SIK3: variants seen among roughly 807,000 people sequenced by gnomAD.
The protein encoded by SIK3 is serine/threonine-protein kinase SIK3.
In SIK3, 28 loss-of-function variants were observed where a neutral mutation model predicts 144.2. The observed-to-expected ratio is 0.19, with a 90% CI of 0.14 to 0.27. The LOEUF (loss-of-function observed/expected upper bound fraction) is 0.27, where lower values mean the gene tolerates loss of function less well. Ranked by LOEUF, SIK3 falls within the 10% of genes least tolerant of loss-of-function variation. The pLI is 1.00. For synonymous variants in SIK3, 686 were observed against 676.3 expected, an observed-to-expected ratio of 1.01 and a Z score of -0.22; for missense variants, 1,319 against 1,776.0, an observed-to-expected ratio of 0.74 and a Z score of 4.62.
chr11:116,997,791 C>T (rs1005894911), intron 1 of SIK3, among the ~76,000 whole-genome samples: 3 of 152,148 alleles, frequency 2.0e-5, no homozygotes, highest in Admixed American at 6.5e-5. Context: ...AGATCTCATA[C>T]GACCAGGACA....
At chr11:117,025,262 C>T (rs543500929) in intron 1 of SIK3, among the ~76,000 whole-genome samples, 1 of 152,142 alleles carries the variant, frequency 6.6e-6, no homozygotes, top group South Asian at 2.1e-4. Flanking sequence ...CGGTCCAACC[C>T]CCTTATTTCA....
At chr11:116,958,884 C>T (rs1949240679) in intron 1 of SIK3, among the ~76,000 whole-genome samples, 2 of 152,080 alleles carry the variant, frequency 1.3e-5, no homozygotes, top group Admixed American at 1.3e-4. Flanking sequence ...AGGACAGCTC[C>T]CAAAACAACA....
chr11:117,076,068 C>G (rs1481394587), intron 1 of SIK3, among the ~76,000 whole-genome samples: 2 of 151,264 alleles, frequency 1.3e-5, no homozygotes, highest in Non-Finnish European at 2.9e-5. Context: ...AGGCTGGTCT[C>G]CAACTCCTGA....
At chr11:116,866,194 A>C in intron 15 of SIK3, among the ~76,000 whole-genome samples, 1 of 152,152 alleles carries the variant, frequency 6.6e-6, no homozygotes, top group Non-Finnish European at 1.5e-5. Flanking sequence ...TGTTCCCCTC[A>C]TAAGAAGACC....
intron 4 of SIK3, chr11:116,904,883 A>C (rs1398528065): frequency 6.0e-6 from 1 of 166,802 alleles, no homozygotes; most frequent in African/African-American, 2.4e-5. Flanking sequence ...TGGCCATAAC[A>C]TATTTCTTGT....
intron 4 of SIK3, among the ~76,000 whole-genome samples, chr11:116,925,127 A>G (rs1179715118): frequency 6.6e-6 from 1 of 152,150 alleles, no homozygotes; most frequent in Non-Finnish European, 1.5e-5. Context: ...CTAAAAATAC[A>G]AAAGTTAGCT....
At chr11:117,010,148 C>G (rs979138956) in intron 1 of SIK3, among the ~76,000 whole-genome samples, 18 of 151,932 alleles carry the variant, frequency 1.2e-4, no homozygotes, top group Admixed American at 2.6e-4. Context: ...GGCTTCCCCT[C>G]TTCCTTATTC....
intron 1 of SIK3, among the ~76,000 whole-genome samples, chr11:116,976,029 T>C (rs1591462728): frequency 6.6e-6 from 1 of 152,312 alleles, no homozygotes; most frequent in East Asian, 1.9e-4. Context: ...GCATTACACA[T>C]TGAAATCTTT....
intron 1 of SIK3, among the ~76,000 whole-genome samples, chr11:116,964,635 C>G (rs984978561): frequency 7.2e-5 from 11 of 152,126 alleles, no homozygotes; most frequent in African/African-American, 2.7e-4. Context: ...AATCCCAGCA[C>G]TTTGGGAGGC....
chr11:117,058,196 T>C (rs941995047), intron 1 of SIK3, among the ~76,000 whole-genome samples: 1 of 152,108 alleles, frequency 6.6e-6, no homozygotes, highest in African/African-American at 2.4e-5. Context: ...GAGATGAGGC[T>C]AGAAAACCAG....
intron 4 of SIK3, among the ~76,000 whole-genome samples, chr11:116,926,876 C>T (rs1176189489): frequency 6.6e-6 from 1 of 152,012 alleles, no homozygotes; most frequent in African/African-American, 2.4e-5. Context: ...TAAAAATTAG[C>T]CAGGCGTGGT....
intron 6 of SIK3, among the ~76,000 whole-genome samples, chr11:116,886,145 G>C (rs1944805723): frequency 6.6e-6 from 1 of 152,182 alleles, no homozygotes; most frequent in African/African-American, 2.4e-5. Context: ...TTAGGTCATG[G>C]GAATGAACAC....
intron 4 of SIK3, among the ~76,000 whole-genome samples, chr11:116,922,907 C>CTTTTTTTTTTTTT (rs202058609): frequency 1.3e-3 from 135 of 102,184 alleles, no homozygotes; most frequent in Non-Finnish European, 1.9e-3. Flanking sequence ...TTTCTTTTCT[C>CTTTTTTTTTTTTT]TTTTTTTTTT....
At chr11:116,863,592 A>C (rs1943467893) in intron 16 of SIK3, 76 bp downstream of exon 16, 1 of 1,592,290 alleles carries the variant, frequency 6.3e-7, no homozygotes, top group African/African-American at 1.3e-5. Flanking sequence ...GGGTACGTTT[A>C]CCACCCCAGT....
intron 1 of SIK3, among the ~76,000 whole-genome samples, chr11:117,045,312 T>C (rs1444299940): frequency 2.6e-5 from 4 of 152,234 alleles, no homozygotes; most frequent in African/African-American, 4.8e-5. Flanking sequence ...TTTGTAGTTA[T>C]TCTTGTACTA....
intron 1 of SIK3, among the ~76,000 whole-genome samples, chr11:117,084,619 A>T (rs1212611547): frequency 6.6e-6 from 1 of 152,104 alleles, no homozygotes; most frequent in Non-Finnish European, 1.5e-5. Flanking sequence ...TTTTTTTCCC[A>T]AACCTATTTA....
intron 1 of SIK3, among the ~76,000 whole-genome samples, chr11:117,003,923 A>G (rs570334802): frequency 1.3e-4 from 20 of 152,166 alleles, no homozygotes; most frequent in Non-Finnish European, 2.9e-4. Context: ...CAAACAAACA[A>G]AAAACTCTGA....
At chr11:116,958,196 G>A (rs1235502661) in intron 1 of SIK3, among the ~76,000 whole-genome samples, 1 of 152,136 alleles carries the variant, frequency 6.6e-6, no homozygotes, top group African/African-American at 2.4e-5. Context: ...AGTACTTACT[G>A]AGGAAAAAAT....
At chr11:117,020,610 A>C (rs1409031157) in intron 1 of SIK3, among the ~76,000 whole-genome samples, 1 of 152,148 alleles carries the variant, frequency 6.6e-6, no homozygotes, top group Non-Finnish European at 1.5e-5. Context: ...TGACTTAATC[A>C]ATCATGCTTA....
Sources: allele counts gnomAD v4.1 joint callset (sites outside exome capture counted in the v4.1 genomes callset), GRCh38; gene constraint gnomAD v4.1.1; transcripts MANE v1.5; gene names NCBI Gene and HGNC (gene_info 2026-07-23, HGNC 2026-07-21).